The following ACAD8 variants were observed in gnomAD, a reference collection of about 807,000 sequenced individuals.
ACAD8 encodes acyl-CoA dehydrogenase family member 8.
ACAD8 carries 47 observed loss-of-function variants against 53.1 expected under a neutral mutation model. That is an observed-to-expected ratio of 0.89 (90% CI 0.70 to 1.13). The LOEUF (loss-of-function observed/expected upper bound fraction) is 1.13, where lower values mean the gene tolerates loss of function less well. Ranked by LOEUF, ACAD8 falls within the 50% of genes most tolerant of loss-of-function variation. The pLI is 0.00. For synonymous variants in ACAD8, 198 were observed against 201.3 expected, an observed-to-expected ratio of 0.98 and a Z score of 0.14; for missense variants, 494 against 535.0, an observed-to-expected ratio of 0.92 and a Z score of 0.76.
chr11:134,254,756 G>A (rs374408917), intron 1 of ACAD8, among the ~76,000 whole-genome samples: 4 of 152,352 alleles, frequency 2.6e-5, no homozygotes, highest in Admixed American at 6.5e-5. Flanking sequence ...TGGCTCTGCA[G>A]TCAAAGGCTT....
intron 1 of ACAD8, among the ~76,000 whole-genome samples, chr11:134,254,331 A>G (rs904231703): frequency 3.9e-5 from 6 of 152,210 alleles, no homozygotes; most frequent in African/African-American, 1.4e-4. Context: ...TCATGCAGGA[A>G]AAATAATTAT....
Position 134,262,528 on chromosome 11 carries a change from C to T in ACAD8, c.1101C>T (p.Asn367=). 1 of 1,611,920 alleles carries T rather than the reference C, an allele frequency of 6.2e-7. No individual in the cohort carries two copies. The highest frequency in any genetic ancestry group is 8.5e-7 in the Non-Finnish European group (1 of 1,178,180). ...TCCCTGTCTCCCTGCAGATCTGCAA[C>T]CAGGCCTTGCAGATGCACGGGGGCT... The part of the protein sequence containing the change: ...FATDECFAIC[N]QALQMHGGYG... Residue 367 remains asparagine (N), a synonymous_variant, in exon 10 of 11, where the codon AAC becomes AAT. Transcript: ENST00000281182.
intron 6 of ACAD8, 127 bp downstream of exon 6, chr11:134,259,872 A>C (rs780026252): frequency 1.9e-4 from 292 of 1,531,746 alleles, no homozygotes; most frequent in Non-Finnish European, 2.4e-4. Context: ...AGTTGCTTCT[A>C]TTAGGATTTT....
chr11:134,254,308 T>C (rs1440704343), intron 1 of ACAD8, among the ~76,000 whole-genome samples: 1 of 152,198 alleles, frequency 6.6e-6, no homozygotes, highest in African/African-American at 2.4e-5. Context: ...TAAGACACTT[T>C]TAGTGTTGAA....
intron 3 of ACAD8, among the ~76,000 whole-genome samples, chr11:134,257,530 G>A (rs1377827178): frequency 6.6e-6 from 1 of 152,008 alleles, no homozygotes; most frequent in African/African-American, 2.4e-5. Flanking sequence ...AAAATTAGCC[G>A]GGTGTGGTGG....
intron 10 of ACAD8, chr11:134,263,149 A>C: frequency 9.3e-7 from 1 of 1,077,904 alleles, no homozygotes. Flanking sequence ...GGAAACATGG[A>C]AGCCGTTGGG....
rs918854504 is a variant in ACAD8 at position 134,259,966 on chromosome 11, C to A, written c.705+221C>A. 2.1e-6 allele frequency: 3 copies of A among 1,399,756 alleles called. No homozygotes were observed. In the East Asian group the frequency reaches 9.4e-5, roughly 44 times the overall value. The allele number at this position is 1,399,756 out of a possible 1,614,324, so 86.7% of individuals were successfully genotyped here. On this transcript the variant is annotated intron_variant, in intron 6 of 10. Transcript: ENST00000281182. ...TGACAATGTTTGCCAGTAAATTCTTCAAGCCACCTGTGAGTGTTCTGACCT... is the reference window on the plus strand; with the variant it reads ...TGACAATGTTTGCCAGTAAATTCTTAAAGCCACCTGTGAGTGTTCTGACCT...
At position 134,261,377 on chromosome 11, in the gene ACAD8, C is replaced by A. The variant is rs779587719; in HGVS notation, c.939+5C>A. 6.2e-7 allele frequency: 1 copy of A among 1,614,056 alleles called. No homozygotes were observed. Among genetic ancestry groups the A allele is most frequent in the South Asian group, 1.1e-5 (1 of 91,080 alleles). Reference sequence around the variant, plus strand: ...GAGCCTCTGGCCAGTAACCAGGTAACCTCTGCCTTGCCTCCACATGGCTTT... The same window carrying A: ...GAGCCTCTGGCCAGTAACCAGGTAAACTCTGCCTTGCCTCCACATGGCTTT... On this transcript the variant is annotated splice_donor_5th_base_variant and intron_variant, in intron 8 of 10. Transcript: ENST00000281182. The surrounding 1 kb of genome is among the most constrained non-coding windows in gnomAD (Gnocchi z 4.2).
intron 1 of ACAD8, among the ~76,000 whole-genome samples, chr11:134,254,688 G>C (rs1004149603): frequency 6.6e-6 from 1 of 152,232 alleles, no homozygotes; most frequent in Non-Finnish European, 1.5e-5. Context: ...TACCGAAGCA[G>C]ATAAGGAATT....
At position 134,261,554 on chromosome 11, in the gene ACAD8, G is replaced by A; in HGVS notation, c.939+182G>A. 1 of 1,525,160 alleles carries A rather than the reference G, an allele frequency of 6.6e-7. No individual in the cohort carries two copies. Among genetic ancestry groups the A allele is most frequent in the Non-Finnish European group, 8.8e-7 (1 of 1,130,920 alleles). The allele number at this position is 1,525,160 out of a possible 1,614,324, so 94.5% of individuals were successfully genotyped here. On this transcript the variant is annotated intron_variant, in intron 8 of 10. Coordinates refer to ENST00000281182, the MANE Select transcript of ACAD8 (RefSeq NM_014384.3). This position sits in a 1 kb window ranked among gnomAD's most constrained non-coding sequence, Gnocchi z 4.2. ...GGGATATCTTTAACGATATTAAAGT[G>A]TCGGGTGAGTGAAGTGGACTTAGCA... is the stretch of plus-strand genomic sequence containing the variant.
chr11:134,260,021 T>C, intron 6 of ACAD8: 3 of 1,277,996 alleles, frequency 2.3e-6, no homozygotes, highest in Non-Finnish European at 3.0e-6. Context: ...CCTGTGTTCC[T>C]TATCCAGCTG....
chr11:134,265,352 A>G lies in ACAD8; in HGVS notation c.*392A>G, dbSNP rs908062180. 72 of 220,384 alleles carry G rather than the reference A, an allele frequency of 3.3e-4. No individual in the cohort carries two copies. The highest frequency in any genetic ancestry group is 1.6e-3 in the African/African-American group (71 of 44,244). 13.7% of individuals were successfully genotyped at this position (220,384 alleles called of 1,614,324 possible). A position where few individuals can be genotyped will look rare whatever the true frequency, so the allele number is the denominator to read the frequency against. ...GGGACTTTCACTGATGCTCTTCCTG[A>G]TTCTAGAGCAAAGGTGTGGGAAGGG... On this transcript the variant is annotated 3_prime_UTR_variant, in exon 11 of 11. Transcript: ENST00000281182.
At chr11:134,262,301 C>CT (rs879698905) in intron 9 of ACAD8, 25 of 666,698 alleles carry the variant, frequency 3.7e-5, no homozygotes, top group Middle Eastern at 4.9e-4. Flanking sequence ...GGGCAGAGGG[C>CT]TTTGAGTCGC....
At chr11:134,254,808 T>C (rs554516583) in intron 1 of ACAD8, among the ~76,000 whole-genome samples, 180 of 152,334 alleles carry the variant, frequency 1.2e-3, no homozygotes, top group African/African-American at 3.5e-3. Context: ...AGCTTTACCT[T>C]TTTAGTGTAT....
chr11:134,261,621 T>G lies in ACAD8; in HGVS notation c.940-117T>G, dbSNP rs779453564. 14 of 1,568,812 alleles carry G rather than the reference T, an allele frequency of 8.9e-6. No individual in the cohort carries two copies. Among genetic ancestry groups the G allele is most frequent in the Non-Finnish European group, 1.2e-5 (14 of 1,163,040 alleles). Reference sequence around the variant, plus strand: ...TTCCTCTATAGAAAAAGCAAGAGACTTTGAAGCTTTGGATCACTTAGAAAA... The same window carrying G: ...TTCCTCTATAGAAAAAGCAAGAGACGTTGAAGCTTTGGATCACTTAGAAAA... On this transcript the variant is annotated intron_variant, in intron 8 of 10. Coordinates refer to ENST00000281182, the MANE Select transcript of ACAD8 (RefSeq NM_014384.3). The surrounding 1 kb of genome is among the most constrained non-coding windows in gnomAD (Gnocchi z 4.2).
chr11:134,262,574 G>T lies in ACAD8; in HGVS notation c.1147G>T (p.Ala383Ser). Residue 383 changes from alanine (A) to serine (S), a missense_variant, in exon 10 of 11, where the codon GCT becomes TCT. Transcript: ENST00000281182. The stretch of plus-strand genomic sequence containing the variant: ...GGGCTACGGCTACCTGAAGGATTAC[G>T]CTGTTCAGCAGTACGTGCGGGACTC... The part of the protein sequence containing the change: ...HGGYGYLKDY[A>S]VQQYVRDSRV... 6.2e-7 allele frequency: 1 copy of T among 1,614,076 alleles called. No homozygotes were observed. Among genetic ancestry groups the T allele is most frequent in the Middle Eastern group, 1.6e-4 (1 of 6,062 alleles).
chr11:134,258,523 C>T lies in ACAD8; in HGVS notation c.389C>T (p.Ala130Val). The change falls in exon 4 of 11, where the codon GCC becomes GTC. Residue 130 changes from alanine to valine, a missense_variant. Coordinates refer to ENST00000281182, the MANE Select transcript of ACAD8 (RefSeq NM_014384.3). ...TAYISIHNMC[A>V]WMIDSFGNEE... ...CTTGGTGTACCTATCAGCATGTGTG[C>T]CTGGATGATTGATAGCTTCGGAAAT... The T allele has an allele frequency of 1.9e-6, 3 of 1,611,520 alleles. No homozygotes were observed. The highest frequency in any genetic ancestry group is 2.5e-6 in the Non-Finnish European group (3 of 1,178,014).
Position 134,261,988 on chromosome 11 carries a change from T to C in ACAD8, c.1092+98T>C, listed in dbSNP as rs1397719996. 6.4e-6 allele frequency: 9 copies of C among 1,399,682 alleles called. No individual in the cohort carries two copies. The highest frequency in any genetic ancestry group is 2.3e-5 in the East Asian group (1 of 42,854). The allele number at this position is 1,399,682 out of a possible 1,614,324, so 86.7% of individuals were successfully genotyped here. On this transcript the variant is annotated intron_variant, in intron 9 of 10. Coordinates refer to ENST00000281182, the MANE Select transcript of ACAD8 (RefSeq NM_014384.3). This position sits in a 1 kb window ranked among gnomAD's most constrained non-coding sequence, Gnocchi z 4.2. ...AGTCAGATTTGGAACCCAGCCCTCC[T>C]GGAATCCCACAAGGATCACCTTAAG...
intron 10 of ACAD8, chr11:134,263,810 TG>T: frequency 1.0e-6 from 1 of 985,480 alleles, no homozygotes; most frequent in Admixed American, 6.1e-5. Flanking sequence ...CACTCATCAC[TG>T]TATCACTTTG....
Sources: gnomAD v4.1 joint callset for allele counts (sites outside exome capture counted in the v4.1 genomes callset) on GRCh38, gnomAD v4.1.1 for gene constraint, Gnocchi (gnomAD v3.1) non-coding constraint, MANE v1.5 for transcripts, NCBI Gene and HGNC (gene_info 2026-07-23, HGNC 2026-07-21) for gene names.